Variants in THSD7A observed in about 807,000 individuals in gnomAD.
THSD7A encodes the protein thrombospondin type-1 domain-containing protein 7A.
Under a neutral mutation model 231.3 loss-of-function variants are expected in THSD7A, and 96 were observed. The ratio of observed to expected loss-of-function variants is 0.41; its 90% CI spans 0.35 to 0.49. The LOEUF (loss-of-function observed/expected upper bound fraction) is 0.49. Ranked by LOEUF, THSD7A falls within the 20% of genes least tolerant of loss-of-function variation. The pLI is 0.05. For synonymous variants in THSD7A, 940 were observed against 743.3 expected (o/e 1.26, Z -4.30); for missense variants, 2,290 against 2,070.2 (o/e 1.11, Z -2.06).
At chr7:11,733,066 T>A (rs1014210352) in intron 1 of THSD7A, among the ~76,000 whole-genome samples, 8 of 151,846 alleles carry the variant, frequency 5.3e-5, no homozygotes, top group Non-Finnish European at 1.2e-4. Flanking sequence ...CTGGAGATAT[T>A]TCTATTATTT....
chr7:11,378,541 T>C (rs1782372685), intron 26 of THSD7A, among the ~76,000 whole-genome samples: 1 of 152,216 alleles, frequency 6.6e-6, no homozygotes, highest in Non-Finnish European at 1.5e-5. Context: ...TCTCCCTGTT[T>C]ATCTGGCACT....
intron 7 of THSD7A, among the ~76,000 whole-genome samples, chr7:11,476,954 G>GA (rs1470432907): frequency 6.6e-6 from 1 of 152,002 alleles, no homozygotes; most frequent in Non-Finnish European, 1.5e-5. Context: ...GGACCACTTG[G>GA]AAAAAGATGA....
At chr7:11,799,710 T>A (rs186448750) in intron 1 of THSD7A, among the ~76,000 whole-genome samples, 3 of 152,310 alleles carry the variant, frequency 2.0e-5, no homozygotes, top group Admixed American at 2.0e-4. Context: ...TACTAATAGT[T>A]CCTATGCATA....
rs1351235336 is a variant in THSD7A, at chr7:11,483,645, CTT to C, written c.1823-1665_1823-1664del. 1.1e-4 allele frequency among the ~76,000 whole-genome samples: 17 copies of C among 152,172 alleles called. No homozygotes were observed. The East Asian group carries it at 3.1e-3, about 28-fold the overall frequency. On this transcript the variant is annotated intron_variant, in intron 6 of 27. Transcript: ENST00000423059. ...TACACTTGACATAATAATGATGACT[CTT>C]TTTTCTACTAGGCTTTTTCTTAGTG...
intron 1 of THSD7A, among the ~76,000 whole-genome samples, chr7:11,822,100 T>C (rs188639292): frequency 6.6e-6 from 1 of 152,300 alleles, no homozygotes; most frequent in East Asian, 1.9e-4. Flanking sequence ...GTTACATGCA[T>C]AGGTTGCATA....
intron 4 of THSD7A, among the ~76,000 whole-genome samples, chr7:11,546,200 G>GTGTGTGCA (rs1378231214): frequency 0.016 from 673 of 40,792 alleles, 5 homozygotes; most frequent in Non-Finnish European, 0.021. Context: ...GTGTGGGCGC[G>GTGTGTGCA]CGCTCACACA....
intron 6 of THSD7A, among the ~76,000 whole-genome samples, chr7:11,540,223 C>T (rs945801760): frequency 1.3e-5 from 2 of 152,170 alleles, no homozygotes; most frequent in Non-Finnish European, 2.9e-5. Flanking sequence ...CAATGATCTC[C>T]TTCTTCCCAT....
At chr7:11,720,507 C>G (rs1414768429) in intron 1 of THSD7A, among the ~76,000 whole-genome samples, 1 of 151,754 alleles carries the variant, frequency 6.6e-6, no homozygotes, top group Non-Finnish European at 1.5e-5. Flanking sequence ...TGAAGATTCT[C>G]TCCTCTTAAT....
At chr7:11,540,357 A>C (rs757671511) in intron 6 of THSD7A, among the ~76,000 whole-genome samples, 4 of 152,216 alleles carry the variant, frequency 2.6e-5, no homozygotes, top group Non-Finnish European at 5.9e-5. Flanking sequence ...CCCACACCAG[A>C]GAGTGTCTTT....
chr7:11,680,993 C>T (rs1424974063), intron 1 of THSD7A, among the ~76,000 whole-genome samples: 2 of 152,128 alleles, frequency 1.3e-5, no homozygotes, highest in Non-Finnish European at 2.9e-5. Flanking sequence ...AAATGTGGCA[C>T]ATATACACCA....
intron 1 of THSD7A, among the ~76,000 whole-genome samples, chr7:11,673,535 G>T (rs961810738): frequency 2.0e-5 from 3 of 152,068 alleles, no homozygotes; most frequent in African/African-American, 7.2e-5. Flanking sequence ...CATTGCCATG[G>T]GACCAAGGTG....
At chr7:11,710,936 G>A (rs1446566206) in intron 1 of THSD7A, among the ~76,000 whole-genome samples, 1 of 150,606 alleles carries the variant, frequency 6.6e-6, no homozygotes, top group Non-Finnish European at 1.5e-5. Flanking sequence ...TACAATAAAA[G>A]GTCTGAAGAG....
intron 14 of THSD7A, among the ~76,000 whole-genome samples, chr7:11,427,169 T>A (rs748484566): frequency 1.3e-5 from 2 of 152,210 alleles, no homozygotes; most frequent in African/African-American, 2.4e-5. Flanking sequence ...AAGCCAATGC[T>A]TCTGATTATT....
intron 1 of THSD7A, among the ~76,000 whole-genome samples, chr7:11,639,454 G>A (rs1189777041): frequency 2.0e-5 from 3 of 152,088 alleles, no homozygotes; most frequent in Non-Finnish European, 2.9e-5. Flanking sequence ...CGGATCACAA[G>A]GTCAGGAGAT....
intron 13 of THSD7A, among the ~76,000 whole-genome samples, chr7:11,436,758 A>AAGAT (rs1054657945): frequency 4.2e-4 from 64 of 152,124 alleles, no homozygotes; most frequent in African/African-American, 1.5e-3. Context: ...CCAAAAGCTT[A>AAGAT]AGATAGTTTC....
chr7:11,745,148 G>C (rs1321545996), intron 1 of THSD7A, among the ~76,000 whole-genome samples: 1 of 152,128 alleles, frequency 6.6e-6, no homozygotes, highest in Admixed American at 6.5e-5. Context: ...ACTGGTGTGA[G>C]ATGGTATCTC....
chr7:11,650,259 A>T (rs1478656701), intron 1 of THSD7A, among the ~76,000 whole-genome samples: 2 of 152,140 alleles, frequency 1.3e-5, no homozygotes, highest in South Asian at 4.1e-4. Context: ...TTCAGGGAAA[A>T]TACAAGTTGG....
Position 11,786,137 on chromosome 7 carries a change from C to T in THSD7A, c.190+45620G>A, listed in dbSNP as rs77072460. Reference sequence around the variant, plus strand: ...TCCAACAGATCCTTCATCCCAGTCTCTAATAGTTTGGTTAATTCTTTATAG... The same window carrying T: ...TCCAACAGATCCTTCATCCCAGTCTTTAATAGTTTGGTTAATTCTTTATAG... On this transcript the variant is annotated intron_variant, in intron 1 of 27. Transcript: ENST00000423059. 2.0e-3 allele frequency among the ~76,000 whole-genome samples: 299 copies of T among 148,544 alleles called. 2 individuals are homozygous for T. The highest frequency in any genetic ancestry group is 7.5e-3 in the African/African-American group (286 of 38,094).
At chr7:11,521,467 ATTTTTTT>A (rs1304942261) in intron 6 of THSD7A, among the ~76,000 whole-genome samples, 1 of 111,596 alleles carries the variant, frequency 9.0e-6, no homozygotes, top group African/African-American at 4.1e-5. Flanking sequence ...ATTCTTTTTT[ATTTTTTT>A]ATTTTATTTA....
Sources: allele counts gnomAD v4.1 joint callset (sites outside exome capture counted in the v4.1 genomes callset), GRCh38; gene constraint gnomAD v4.1.1; transcripts MANE v1.5; gene names NCBI Gene and HGNC (gene_info 2026-07-23, HGNC 2026-07-21).